The following HNF4G variants were observed in gnomAD, a reference collection of about 807,000 sequenced individuals.
HNF4G encodes hepatocyte nuclear factor 4 gamma, also known as hepatocyte nuclear factor 4-gamma.
In HNF4G, 21 loss-of-function variants were observed where a neutral mutation model predicts 50.9. The observed-to-expected ratio is 0.41, with a 90% CI of 0.29 to 0.59. HNF4G has a LOEUF of 0.59. Ranked by LOEUF, HNF4G falls within the 20% of genes least tolerant of loss-of-function variation. HNF4G has a pLI of 0.26. For synonymous variants in HNF4G, 198 were observed against 185.6 expected (o/e 1.07, Z -0.54); for missense variants, 527 against 559.4 (o/e 0.94, Z 0.58).
upstream of HNF4G, among the ~76,000 whole-genome samples, chr8:75,537,122 G>A (rs1175715511): frequency 6.6e-6 from 1 of 152,076 alleles, no homozygotes; most frequent in African/African-American, 2.4e-5. Flanking sequence ...CTTATCAAGA[G>A]TCATTTGGAT....
chr8:75,517,199 A>G (rs1256157570), intron 2 of HNF4G, among the ~76,000 whole-genome samples: 1 of 152,150 alleles, frequency 6.6e-6, no homozygotes, highest in East Asian at 1.9e-4. Flanking sequence ...CCCATTACAT[A>G]TGGGAATTAT....
chr8:75,536,484 T>C (rs1806467928), upstream of HNF4G, among the ~76,000 whole-genome samples: 1 of 152,050 alleles, frequency 6.6e-6, no homozygotes, highest in African/African-American at 2.4e-5. Flanking sequence ...TAATCTAATG[T>C]AGCCTTAATG....
chr8:75,557,863 G>A (rs928114212), intron 6 of HNF4G, among the ~76,000 whole-genome samples: 1 of 152,100 alleles, frequency 6.6e-6, no homozygotes, highest in Admixed American at 6.6e-5. Context: ...ATTATAGCTA[G>A]AGAATTTCTA....
intron 1 of HNF4G, among the ~76,000 whole-genome samples, chr8:75,434,709 C>T (rs1286357389): frequency 5.3e-5 from 8 of 149,982 alleles, no homozygotes; most frequent in Non-Finnish European, 1.0e-4. Flanking sequence ...CACACACATA[C>T]ACAAATCAGG....
At chr8:75,411,952 A>G (rs1810514026) in intron 1 of HNF4G, among the ~76,000 whole-genome samples, 1 of 152,212 alleles carries the variant, frequency 6.6e-6, no homozygotes, top group African/African-American at 2.4e-5. Context: ...AGTACCAGGT[A>G]TGTGTTCTGT....
At chr8:75,412,600 C>G (rs1810526500) in intron 1 of HNF4G, among the ~76,000 whole-genome samples, 1 of 152,100 alleles carries the variant, frequency 6.6e-6, no homozygotes, top group Non-Finnish European at 1.5e-5. Flanking sequence ...TATGATAACA[C>G]CTGGATCTGA....
intron 2 of HNF4G, among the ~76,000 whole-genome samples, chr8:75,509,941 C>T (rs1457918806): frequency 6.6e-6 from 1 of 152,108 alleles, no homozygotes; most frequent in Non-Finnish European, 1.5e-5. Flanking sequence ...TTAGATTGTA[C>T]TTCTACTTAT....
At chr8:75,534,934 G>A (rs7841002), upstream of HNF4G, among the ~76,000 whole-genome samples, 1 of 151,510 alleles carries the variant, frequency 6.6e-6, no homozygotes, top group South Asian at 2.1e-4. Context: ...TCAACAAATC[G>A]AGGACAGGAA....
At chr8:75,452,759 A>C (rs991788973) in intron 1 of HNF4G, among the ~76,000 whole-genome samples, 4 of 152,216 alleles carry the variant, frequency 2.6e-5, no homozygotes, top group Admixed American at 6.5e-5. Context: ...GTATGCAATT[A>C]GTAACTGTTT....
chr8:75,548,551 C>A (rs1806857428), intron 3 of HNF4G, among the ~76,000 whole-genome samples: 1 of 151,982 alleles, frequency 6.6e-6, no homozygotes, highest in South Asian at 2.1e-4. Flanking sequence ...GTACTAATTT[C>A]ATCTTGAATA....
intron 2 of HNF4G, among the ~76,000 whole-genome samples, chr8:75,546,202 G>A (rs1483334096): frequency 6.6e-6 from 1 of 152,090 alleles, no homozygotes; most frequent in Non-Finnish European, 1.5e-5. Flanking sequence ...TTTACTGTAT[G>A]CTTAATATTT....
chr8:75,554,680 G>T (rs1807063652), intron 5 of HNF4G, among the ~76,000 whole-genome samples: 1 of 152,106 alleles, frequency 6.6e-6, no homozygotes, highest in Admixed American at 6.6e-5. Context: ...TAAAAATACA[G>T]ATTTCTTCAC....
At chr8:75,447,446 C>T (rs1811449026) in intron 1 of HNF4G, among the ~76,000 whole-genome samples, 2 of 135,080 alleles carry the variant, frequency 1.5e-5, no homozygotes, top group Admixed American at 1.5e-4. Flanking sequence ...TCTAATTAAA[C>T]TAAAGAGCTT....
intron 1 of HNF4G, among the ~76,000 whole-genome samples, chr8:75,467,034 G>C (rs556324645): frequency 5.3e-5 from 8 of 151,972 alleles, no homozygotes; most frequent in Non-Finnish European, 1.2e-4. Flanking sequence ...TTAATTTGAG[G>C]AGTATACTTT....
intron 1 of HNF4G, among the ~76,000 whole-genome samples, chr8:75,442,723 T>A (rs830784): frequency 1.1e-4 from 17 of 152,036 alleles, no homozygotes; most frequent in Non-Finnish European, 2.5e-4. Flanking sequence ...CCTAAAGCCT[T>A]CAGGAGATGG....
At chr8:75,496,065 A>G (rs1812759568) in intron 2 of HNF4G, among the ~76,000 whole-genome samples, 1 of 152,116 alleles carries the variant, frequency 6.6e-6, no homozygotes, top group African/African-American at 2.4e-5. Flanking sequence ...ATCTATGGGA[A>G]AAAAGTAATA....
intron 2 of HNF4G, among the ~76,000 whole-genome samples, chr8:75,515,206 T>C (rs933335949): frequency 1.3e-5 from 2 of 152,206 alleles, no homozygotes; most frequent in Non-Finnish European, 2.9e-5. Flanking sequence ...AAGCTGTTTG[T>C]CTTTGTGCAT....
At chr8:75,437,623 C>T (rs982722589) in intron 1 of HNF4G, among the ~76,000 whole-genome samples, 9 of 151,932 alleles carry the variant, frequency 5.9e-5, no homozygotes, top group East Asian at 1.9e-4. Flanking sequence ...TGCAGTGAGC[C>T]GAGATCACGC....
intron 2 of HNF4G, among the ~76,000 whole-genome samples, chr8:75,506,611 T>TA (rs1813086204): frequency 6.6e-6 from 1 of 152,228 alleles, no homozygotes. Context: ...ACCTCCTTTC[T>TA]AATTCAAAGC....
Sources: gnomAD v4.1 joint callset for allele counts (sites outside exome capture counted in the v4.1 genomes callset) on GRCh38, gnomAD v4.1.1 for gene constraint, MANE v1.5 for transcripts, NCBI Gene and HGNC (gene_info 2026-07-23, HGNC 2026-07-21) for gene names.